The following EFCAB11 variants were observed in gnomAD, a reference collection of about 807,000 sequenced individuals.
EFCAB11 encodes EF-hand calcium binding domain 11.
Under a neutral mutation model 23.0 loss-of-function variants are expected in EFCAB11, and 14 were observed. The ratio of observed to expected loss-of-function variants is 0.61; its 90% confidence interval spans 0.40 to 0.95. The LOEUF is 0.95. Ranked by LOEUF, EFCAB11 falls within the 40% of genes least tolerant of loss-of-function variation. EFCAB11 has a pLI of 0.00. For missense variants in EFCAB11, 198 were observed against 195.8 expected (o/e 1.01, Z -0.07); for synonymous variants, 65 against 66.6 (o/e 0.98, Z 0.11).
At chr14:89,940,922 T>C (rs909488131) in intron 3 of EFCAB11, among the ~76,000 whole-genome samples, 1 of 152,218 alleles carries the variant, frequency 6.6e-6, no homozygotes, top group Non-Finnish European at 1.5e-5. Flanking sequence ...TAGAATGATC[T>C]ACAATTTATT....
chr14:89,912,128 CAT>C (rs1461666153), intron 5 of EFCAB11, among the ~76,000 whole-genome samples: 5 of 152,108 alleles, frequency 3.3e-5, no homozygotes, highest in African/African-American at 1.2e-4. Flanking sequence ...AATCAACAAG[CAT>C]TTATTCATTG....
intron 5 of EFCAB11, among the ~76,000 whole-genome samples, chr14:89,817,035 TATAA>T (rs1420313715): frequency 6.6e-6 from 1 of 152,082 alleles, no homozygotes; most frequent in African/African-American, 2.4e-5. Flanking sequence ...ATAATAAAAG[TATAA>T]ATATTTTATA....
At chr14:89,818,295 G>A (rs1293055050) in intron 5 of EFCAB11, among the ~76,000 whole-genome samples, 1 of 152,120 alleles carries the variant, frequency 6.6e-6, no homozygotes, top group Non-Finnish European at 1.5e-5. Context: ...CACCAAAATA[G>A]CAAGTAAAGA....
chr14:89,916,155 A>G (rs1189034906), intron 5 of EFCAB11, among the ~76,000 whole-genome samples: 2 of 125,314 alleles, frequency 1.6e-5, no homozygotes, highest in Non-Finnish European at 1.5e-5. Context: ...AGAATGGCTC[A>G]GAAAAAAAAA....
intron 5 of EFCAB11, among the ~76,000 whole-genome samples, chr14:89,829,038 T>C (rs970371349): frequency 2.0e-5 from 3 of 152,212 alleles, no homozygotes; most frequent in African/African-American, 7.2e-5. Flanking sequence ...TTATGTGCAA[T>C]TGGAACATGA....
rs560734835 is a variant in EFCAB11, at chr14:89,814,447, G to A, written c.411-17123C>T. ...AGGCCGGGAGCAGTGGCTCATGCCT[G>A]TAATCCCAGCACTTTGGGAGGGCGA... On this transcript the variant is annotated intron_variant, in intron 5 of 5. Transcript: ENST00000316738. Among the ~76,000 whole-genome samples the A allele has an allele frequency of 2.0e-3, 312 of 152,306 alleles. 2 individuals carry two copies. Among genetic ancestry groups the A allele is most frequent in the Admixed American group, 4.1e-3 (63 of 15,306 alleles).
At chr14:89,903,576 G>T (rs182945217) in intron 5 of EFCAB11, among the ~76,000 whole-genome samples, 3,785 of 151,660 alleles carry the variant, frequency 0.025, 58 homozygotes, top group African/African-American at 0.045. Flanking sequence ...AAAGAGAAGG[G>T]GGGGGGCAAT....
intron 5 of EFCAB11, among the ~76,000 whole-genome samples, chr14:89,804,856 GTCT>G (rs1434182335): frequency 6.6e-6 from 1 of 152,132 alleles, no homozygotes; most frequent in Non-Finnish European, 1.5e-5. Context: ...CACTGCAGCA[GTCT>G]TCTTTTTACT....
At chr14:89,882,148 TG>T (rs1888620568) in intron 5 of EFCAB11, among the ~76,000 whole-genome samples, 1 of 152,216 alleles carries the variant, frequency 6.6e-6, no homozygotes, top group South Asian at 2.1e-4. Flanking sequence ...AATCATGCAT[TG>T]CCTGAGTGTT....
chr14:89,800,389 G>A lies in EFCAB11; in HGVS notation c.411-3065C>T, dbSNP rs146959864. Among the ~76,000 whole-genome samples the A allele has an allele frequency of 7.2e-5, 11 of 152,230 alleles. No homozygotes were observed. In the East Asian group the frequency reaches 1.5e-3, roughly 21 times the overall value. Reference sequence around the variant, plus strand: ...GGCTCAAAACATGGGGCAGTGGAGCGAGGGAACCCCCTGAATGTCAGGCTG... The same window carrying A: ...GGCTCAAAACATGGGGCAGTGGAGCAAGGGAACCCCCTGAATGTCAGGCTG... On this transcript the variant is annotated intron_variant, in intron 5 of 5. Coordinates refer to ENST00000316738, the MANE Select transcript of EFCAB11 (RefSeq NM_145231.4).
chr14:89,812,585 T>C (rs1159283743), intron 5 of EFCAB11, among the ~76,000 whole-genome samples: 2 of 152,232 alleles, frequency 1.3e-5, no homozygotes, highest in Non-Finnish European at 2.9e-5. Context: ...GGAGTAAGAA[T>C]AAGCTGACCA....
chr14:89,888,782 G>A (rs754797926), intron 5 of EFCAB11, among the ~76,000 whole-genome samples: 3 of 152,120 alleles, frequency 2.0e-5, no homozygotes, highest in Admixed American at 6.5e-5. Context: ...TGGACTTCCC[G>A]GCCTACAGAA....
intron 5 of EFCAB11, among the ~76,000 whole-genome samples, chr14:89,869,530 G>C (rs1421546252): frequency 6.6e-6 from 1 of 152,104 alleles, no homozygotes; most frequent in Non-Finnish European, 1.5e-5. Context: ...CAGAATTAAA[G>C]GATTAAATGA....
chr14:89,856,045 T>C (rs753707564), intron 5 of EFCAB11, among the ~76,000 whole-genome samples: 1 of 152,328 alleles, frequency 6.6e-6, no homozygotes, highest in Admixed American at 6.5e-5. Flanking sequence ...TCTTAGGTTG[T>C]TTCTATATCT....
intron 5 of EFCAB11, among the ~76,000 whole-genome samples, chr14:89,851,254 A>G (rs1033331555): frequency 8.5e-5 from 13 of 152,178 alleles, no homozygotes; most frequent in Admixed American, 2.0e-4. Context: ...AGCTGCTGAA[A>G]TCTTGGCTTG....
chr14:89,814,593 A>C (rs966431709), intron 5 of EFCAB11, among the ~76,000 whole-genome samples: 2 of 151,810 alleles, frequency 1.3e-5, no homozygotes, highest in Non-Finnish European at 2.9e-5. Flanking sequence ...AATCCCAGCT[A>C]CTCGGGAGGC....
intron 3 of EFCAB11, among the ~76,000 whole-genome samples, chr14:89,932,839 T>A (rs1890443185): frequency 6.6e-6 from 1 of 152,102 alleles, no homozygotes; most frequent in Non-Finnish European, 1.5e-5. Flanking sequence ...ACACTAGAAA[T>A]CAATAGTGAA....
At chr14:89,859,417 G>T (rs944300904) in intron 5 of EFCAB11, among the ~76,000 whole-genome samples, 2 of 152,208 alleles carry the variant, frequency 1.3e-5, no homozygotes, top group African/African-American at 2.4e-5. Flanking sequence ...GCCTCCTCAA[G>T]GAACTCACGG....
At chr14:89,951,537 G>A (rs1891166022) in intron 2 of EFCAB11, among the ~76,000 whole-genome samples, 1 of 152,152 alleles carries the variant, frequency 6.6e-6, no homozygotes, top group Non-Finnish European at 1.5e-5. Flanking sequence ...CTGCTTCGAA[G>A]TAGAGACTGT....
Sources: allele counts gnomAD v4.1 joint callset (sites outside exome capture counted in the v4.1 genomes callset), GRCh38; gene constraint gnomAD v4.1.1; transcripts MANE v1.5; gene names NCBI Gene and HGNC (gene_info 2026-07-23, HGNC 2026-07-21).